The following TADA2A variants were observed in gnomAD, a reference collection of about 807,000 sequenced individuals.
The protein encoded by TADA2A is transcriptional adapter 2-alpha.
A neutral mutation model predicts 67.4 loss-of-function variants in TADA2A; 38 were observed. That is an observed-to-expected ratio of 0.56 (90% confidence interval 0.44 to 0.74). The LOEUF (loss-of-function observed/expected upper bound fraction) is 0.74, where lower values mean the gene tolerates loss of function less well. Among genes scored for constraint, TADA2A ranks in the 30% least tolerant of loss-of-function variants. The pLI is 0.00. For missense variants in TADA2A, 454 were observed against 547.0 expected (o/e 0.83, Z 1.70); for synonymous variants, 192 against 181.6 (o/e 1.06, Z -0.46).
chr17:37,459,209 A>G (rs1356079851), intron 9 of TADA2A, among the ~76,000 whole-genome samples: 1 of 152,126 alleles, frequency 6.6e-6, no homozygotes, highest in East Asian at 1.9e-4. Context: ...AAGTAAAAGA[A>G]CAAGATAAAA....
At chr17:37,451,651 A>T (rs1344163643) in intron 8 of TADA2A, among the ~76,000 whole-genome samples, 2 of 151,996 alleles carry the variant, frequency 1.3e-5, no homozygotes, top group African/African-American at 4.8e-5. Context: ...CTCCTACACA[A>T]ATCTCAGGAA....
At chr17:37,435,768 C>G (rs2147955284) in intron 4 of TADA2A, among the ~76,000 whole-genome samples, 1 of 152,170 alleles carries the variant, frequency 6.6e-6, no homozygotes, top group South Asian at 2.1e-4. Flanking sequence ...TTTGTAGAGA[C>G]AGGGTTTTGC....
intron 9 of TADA2A, chr17:37,461,795 T>C (rs2053552979): frequency 3.6e-6 from 1 of 275,754 alleles, no homozygotes; most frequent in African/African-American, 2.2e-5. Context: ...GACAGACATG[T>C]GTTTTTCAGC....
intron 2 of TADA2A, among the ~76,000 whole-genome samples, chr17:37,421,901 C>T (rs561606749): frequency 1.4e-5 from 2 of 144,970 alleles, no homozygotes; most frequent in African/African-American, 2.5e-5. Flanking sequence ...TTTTTGGAGA[C>T]GGAGTCTCTC....
In TADA2A at chr17:37,411,393, A is replaced by G. The variant is rs201363548; in HGVS notation, c.25+3A>G. 35 of 1,613,190 alleles carry G rather than the reference A, an allele frequency of 2.2e-5. No homozygotes were observed. The highest frequency in any genetic ancestry group is 3.3e-5 in the Admixed American group (2 of 59,968). On this transcript the variant is annotated splice_donor_region_variant and intron_variant, in intron 2 of 15. Coordinates refer to ENST00000615182, the MANE Select transcript of TADA2A (RefSeq NM_001166105.3). ...GGACCGTTTGGGTTCCTTTAGCAGT[A>G]AGTACAGTGGGAACAAGTCTCAGGT...
At chr17:37,422,481 G>GATGATTATTATTATT (rs1296355161) in intron 2 of TADA2A, among the ~76,000 whole-genome samples, 23 of 136,990 alleles carry the variant, frequency 1.7e-4, no homozygotes, top group Admixed American at 3.8e-4. Flanking sequence ...ATGCCCAGCT[G>GATGATTATTATTATT]ATTATTATTA....
At chr17:37,428,509 A>G (rs2052474307) in intron 4 of TADA2A, among the ~76,000 whole-genome samples, 1 of 152,166 alleles carries the variant, frequency 6.6e-6, no homozygotes, top group African/African-American at 2.4e-5. Context: ...TTGTTGATGA[A>G]ATCCAGGGAA....
At chr17:37,462,753 T>G (rs1393848194) in intron 10 of TADA2A, among the ~76,000 whole-genome samples, 3 of 152,202 alleles carry the variant, frequency 2.0e-5, no homozygotes, top group Non-Finnish European at 4.4e-5. Flanking sequence ...AATGAATAAT[T>G]TTCTGGATAG....
At chr17:37,442,677 A>G (rs747141989) in intron 7 of TADA2A, 25 bp downstream of exon 7, 2 of 1,605,256 alleles carry the variant, frequency 1.2e-6, no homozygotes, top group African/African-American at 1.3e-5. Flanking sequence ...TTTTTAGCAC[A>G]AAGTAGGAAA....
intron 8 of TADA2A, among the ~76,000 whole-genome samples, chr17:37,445,513 G>C: frequency 6.6e-6 from 1 of 152,254 alleles, no homozygotes; most frequent in Admixed American, 6.5e-5. Context: ...TGATCTGCCC[G>C]CCTCAGCTTC....
chr17:37,444,483 AT>A (rs2053017420), intron 7 of TADA2A, among the ~76,000 whole-genome samples: 1 of 151,940 alleles, frequency 6.6e-6, no homozygotes, highest in Non-Finnish European at 1.5e-5. Flanking sequence ...AACTATTCCA[AT>A]TTTTTGTTGT....
In TADA2A at chr17:37,439,872, A is replaced by G. The variant is rs188227702; in HGVS notation, c.285-633A>G. Among the ~76,000 whole-genome samples, 251 of 151,706 alleles carry G rather than the reference A, an allele frequency of 1.7e-3. 1 individual carries two copies. Among genetic ancestry groups the G allele is most frequent in the African/African-American group, 5.8e-3 (242 of 41,464 alleles). On this transcript the variant is annotated intron_variant, in intron 5 of 15. Coordinates refer to ENST00000615182, the MANE Select transcript of TADA2A (RefSeq NM_001166105.3). ...TACAGCAATTATTTCTGTAGGGCCT[A>G]GCTCACAGGAAAATTTACAAATTTT...
chr17:37,423,832 C>T (rs1361170867), intron 3 of TADA2A, among the ~76,000 whole-genome samples: 1 of 150,366 alleles, frequency 6.7e-6, no homozygotes, highest in Non-Finnish European at 1.5e-5. Flanking sequence ...TAACTGCAAT[C>T]TCCACCTCTT....
At chr17:37,458,637 T>TTGTGTG (rs55935249) in intron 9 of TADA2A, 50 bp downstream of exon 9, 577 of 981,450 alleles carry the variant, frequency 5.9e-4, no homozygotes, top group East Asian at 5.6e-3. Flanking sequence ...GATTATTGTT[T>TTGTGTG]TGTGTGTGTG....
intron 8 of TADA2A, among the ~76,000 whole-genome samples, chr17:37,457,897 A>T (rs2053438773): frequency 6.6e-6 from 1 of 152,200 alleles, no homozygotes; most frequent in Non-Finnish European, 1.5e-5. Context: ...ACAATGTCCA[A>T]AAAAGGTGTT....
chr17:37,415,507 C>T lies in TADA2A; in HGVS notation c.25+4117C>T, dbSNP rs1263419585. Among the ~76,000 whole-genome samples, 4 of 151,910 alleles carry T rather than the reference C, an allele frequency of 2.6e-5. No individual in the cohort carries two copies. In the East Asian group the frequency reaches 7.7e-4, roughly 29 times the overall value. On this transcript the variant is annotated intron_variant, in intron 2 of 15. Transcript: ENST00000615182. The stretch of plus-strand genomic sequence containing the variant: ...AATGTATATTCATGGTAAAAAATTC[C>T]TGGAAGTGAGATTGCTGGGTCAAAA...
chr17:37,417,117 C>T (rs986619862), intron 2 of TADA2A, among the ~76,000 whole-genome samples: 15 of 151,870 alleles, frequency 9.9e-5, no homozygotes, highest in African/African-American at 3.6e-4. Flanking sequence ...CAATGGCTCA[C>T]GACTGTAATC....
chr17:37,446,590 C>A lies in TADA2A; in HGVS notation c.604+1822C>A, dbSNP rs2053088455. ...ACCAGCCTGGGCAACACAGTGAGAC[C>A]CTGTCTCTAAAAAAAAAAACCTTTA... On this transcript the variant is annotated intron_variant, in intron 8 of 15. Coordinates refer to ENST00000615182, the MANE Select transcript of TADA2A (RefSeq NM_001166105.3). 2.9e-5 allele frequency among the ~76,000 whole-genome samples: 4 copies of A among 140,308 alleles called. No homozygotes were observed. In the South Asian group the frequency reaches 9.6e-4, roughly 34 times the overall value. 92.0% of individuals were successfully genotyped at this position (140,308 alleles called of 152,430 possible). A position where few individuals can be genotyped will look rare whatever the true frequency, so the allele number is the denominator to read the frequency against.
chr17:37,458,339 T>C (rs1050829844), intron 8 of TADA2A, among the ~76,000 whole-genome samples, 185 bp from the exon 9 acceptor site: 1 of 152,204 alleles, frequency 6.6e-6, no homozygotes, highest in African/African-American at 2.4e-5. Flanking sequence ...AAAATAACTT[T>C]ACTTATTGAT....
Sources: gnomAD v4.1 joint callset for allele counts (sites outside exome capture counted in the v4.1 genomes callset) on GRCh38, gnomAD v4.1.1 for gene constraint, MANE v1.5 for transcripts, NCBI Gene and HGNC (gene_info 2026-07-23, HGNC 2026-07-21) for gene names.